The following TPD52L1 variants were observed in gnomAD, a reference collection of about 807,000 sequenced individuals.
The protein encoded by TPD52L1 is tumor protein D53.
In TPD52L1, 18 loss-of-function variants were observed where a neutral mutation model predicts 28.7. The ratio of observed to expected loss-of-function variants is 0.63; its 90% CI spans 0.43 to 0.93. The LOEUF (loss-of-function observed/expected upper bound fraction) is 0.93, where lower values mean the gene tolerates loss of function less well. Ranked by LOEUF, TPD52L1 falls within the 40% of genes least tolerant of loss-of-function variation. The pLI is 0.00. For missense variants in TPD52L1, 203 were observed against 254.8 expected (o/e 0.80, Z 1.39); for synonymous variants, 75 against 88.8 (o/e 0.84, Z 0.88).
chr6:125,218,380 T>A (rs1423314040), intron 1 of TPD52L1, among the ~76,000 whole-genome samples: 1 of 152,192 alleles, frequency 6.6e-6, no homozygotes. Flanking sequence ...TTTCCTGGGT[T>A]TATTAACATT....
intron 3 of TPD52L1, among the ~76,000 whole-genome samples, chr6:125,242,813 G>A (rs1239340743): frequency 1.3e-5 from 2 of 152,000 alleles, no homozygotes; most frequent in African/African-American, 2.4e-5. Flanking sequence ...GAGATGTGAG[G>A]TACTGTTCTA....
At chr6:125,160,809 C>A (rs775676495) in intron 1 of TPD52L1, among the ~76,000 whole-genome samples, 12 of 151,682 alleles carry the variant, frequency 7.9e-5, no homozygotes, top group Non-Finnish European at 1.6e-4. Flanking sequence ...TTGGCAACAG[C>A]CCTTGCTGCT....
At chr6:125,186,099 G>C (rs542372094) in intron 1 of TPD52L1, among the ~76,000 whole-genome samples, 1 of 151,910 alleles carries the variant, frequency 6.6e-6, no homozygotes. Flanking sequence ...TCACCATGTC[G>C]ATCAGGCTGG....
At chr6:125,244,727 G>A (rs945958718) in intron 3 of TPD52L1, among the ~76,000 whole-genome samples, 17 of 152,206 alleles carry the variant, frequency 1.1e-4, no homozygotes, top group African/African-American at 4.1e-4. Flanking sequence ...GAGTGCCAGG[G>A]GAAACAAGGA....
intron 3 of TPD52L1, among the ~76,000 whole-genome samples, chr6:125,240,718 C>A (rs1796566906): frequency 6.6e-6 from 1 of 151,832 alleles, no homozygotes; most frequent in African/African-American, 2.4e-5. Context: ...GATCTAGTAG[C>A]TTTTTGGATG....
chr6:125,208,678 G>A (rs1292709857), intron 1 of TPD52L1, among the ~76,000 whole-genome samples: 1 of 152,186 alleles, frequency 6.6e-6, no homozygotes, highest in Non-Finnish European at 1.5e-5. Flanking sequence ...GCTAGGACAT[G>A]TGGAGGTTTC....
Position 125,182,947 on chromosome 6 carries a change from C to T in TPD52L1, c.19+28977C>T, listed in dbSNP as rs541244638. Among the ~76,000 whole-genome samples, 3 of 152,284 alleles carry T rather than the reference C, an allele frequency of 2.0e-5. No individual in the cohort carries two copies. In the East Asian group the frequency reaches 5.8e-4, roughly 29 times the overall value. ...ATGCAAGGAATGTTATTTTTTGAGT[C>T]CTTTATTCCAGTCACAGTATTATAA... is the stretch of plus-strand genomic sequence containing the variant. On this transcript the variant is annotated intron_variant, in intron 1 of 6. Coordinates refer to ENST00000534000, the MANE Select transcript of TPD52L1 (RefSeq NM_003287.4).
At position 125,229,168 on chromosome 6, in the gene TPD52L1, G is replaced by A. The variant is rs1795794461; in HGVS notation, c.186G>A (p.Arg62=). 1.2e-5 allele frequency: 20 copies of A among 1,613,104 alleles called. No individual in the cohort carries two copies. The highest frequency in any genetic ancestry group is 1.7e-5 in the Non-Finnish European group (20 of 1,179,688). Residue 62 remains arginine, a synonymous_variant, in exon 3 of 7, where the codon AGG becomes AGA. Coordinates refer to ENST00000534000, the MANE Select transcript of TPD52L1 (RefSeq NM_003287.4). ...GACAAGTTTTGTCAGCGAAAGAAAG[G>A]CATCTAGTTGAGATAAAACAAAAAC... ...TLRQVLSAKE[R]HLVEIKQKLG... is the part of the protein sequence containing the mutation.
chr6:125,154,288 C>T (rs1789964278), intron 1 of TPD52L1: 6 of 1,187,208 alleles, frequency 5.1e-6, no homozygotes, highest in Non-Finnish European at 6.3e-6. Context: ...CCCGAAGGAC[C>T]TGTTGTGCCG....
intron 1 of TPD52L1, among the ~76,000 whole-genome samples, chr6:125,159,431 C>A (rs1790362249): frequency 6.6e-6 from 1 of 152,166 alleles, no homozygotes; most frequent in African/African-American, 2.4e-5. Context: ...CATCTTCAGG[C>A]TCCACTTCTG....
intron 1 of TPD52L1, among the ~76,000 whole-genome samples, chr6:125,160,474 C>A (rs1253138418): frequency 9.9e-5 from 15 of 152,172 alleles, no homozygotes; most frequent in African/African-American, 3.6e-4. Flanking sequence ...ATCCTCCTGC[C>A]TTGGCCTCAC....
chr6:125,154,214 G>T, intron 1 of TPD52L1: 1 of 1,346,276 alleles, frequency 7.4e-7, no homozygotes. Context: ...CAGGAAATGC[G>T]CCCGTGGAAT....
intron 6 of TPD52L1, among the ~76,000 whole-genome samples, chr6:125,260,634 A>G (rs1016872685): frequency 6.6e-6 from 1 of 151,814 alleles, no homozygotes; most frequent in East Asian, 2.0e-4. Context: ...TTGAAACCCC[A>G]TCTCTACTAA....
At chr6:125,186,301 G>A (rs1388727375) in intron 1 of TPD52L1, among the ~76,000 whole-genome samples, 1 of 152,150 alleles carries the variant, frequency 6.6e-6, no homozygotes, top group Non-Finnish European at 1.5e-5. Context: ...ACTCAACTCT[G>A]TCATTGTAGC....
intron 1 of TPD52L1, among the ~76,000 whole-genome samples, chr6:125,197,124 T>C (rs1197146629): frequency 1.3e-5 from 2 of 152,216 alleles, no homozygotes; most frequent in Non-Finnish European, 2.9e-5. Context: ...TCATGCTTGC[T>C]GAAATTTTAG....
chr6:125,162,909 T>C (rs565299045), intron 1 of TPD52L1, among the ~76,000 whole-genome samples: 55 of 152,368 alleles, frequency 3.6e-4, no homozygotes, highest in Non-Finnish European at 6.2e-4. Context: ...TAGATACCTT[T>C]ACTTTTAACT....
intron 1 of TPD52L1, among the ~76,000 whole-genome samples, chr6:125,180,581 C>A (rs1792124234): frequency 6.6e-6 from 1 of 151,700 alleles, no homozygotes; most frequent in Non-Finnish European, 1.5e-5. Flanking sequence ...CACACACACA[C>A]ACACACACAC....
At chr6:125,233,857 A>G (rs1796100957) in intron 3 of TPD52L1, among the ~76,000 whole-genome samples, 1 of 152,226 alleles carries the variant, frequency 6.6e-6, no homozygotes, top group Non-Finnish European at 1.5e-5. Flanking sequence ...TTAGTAAAAC[A>G]TGTCAAGTGG....
chr6:125,256,466 T>TAGGTAG (rs1209908181), intron 5 of TPD52L1, among the ~76,000 whole-genome samples: 1 of 152,232 alleles, frequency 6.6e-6, no homozygotes, highest in Admixed American at 6.5e-5. Flanking sequence ...GATTGGGCAT[T>TAGGTAG]AGGTAGGTAA....
Sources: gnomAD v4.1 joint callset for allele counts (sites outside exome capture counted in the v4.1 genomes callset) on GRCh38, gnomAD v4.1.1 for gene constraint, MANE v1.5 for transcripts, NCBI Gene and HGNC (gene_info 2026-07-23, HGNC 2026-07-21) for gene names.